The following MGAT4C variants were observed in gnomAD, a reference collection of about 807,000 sequenced individuals.
MGAT4C encodes MGAT4 family member C.
MGAT4C carries 19 observed loss-of-function variants against 40.1 expected under a neutral mutation model. The ratio of observed to expected loss-of-function variants is 0.47; its 90% CI spans 0.33 to 0.70. The LOEUF (loss-of-function observed/expected upper bound fraction) is 0.70, where lower values mean the gene tolerates loss of function less well. Among genes scored for constraint, MGAT4C ranks in the 30% least tolerant of loss-of-function variants. The probability of loss-of-function intolerance (pLI) is 0.02; values close to 1 mark genes in which losing one functional copy is unlikely to be tolerated. For missense variants in MGAT4C, 491 were observed against 563.2 expected (o/e 0.87, Z 1.30); for synonymous variants, 181 against 187.1 (o/e 0.97, Z 0.27).
chr12:86,021,103 G>T (rs1258283983), intron 2 of MGAT4C, among the ~76,000 whole-genome samples: 2 of 152,158 alleles, frequency 1.3e-5, no homozygotes, highest in Non-Finnish European at 2.9e-5. Flanking sequence ...TGCTGGAGAG[G>T]ATGTGGAGAA....
At chr12:86,681,701 T>C (rs1326028651) in intron 2 of MGAT4C, among the ~76,000 whole-genome samples, 1 of 152,060 alleles carries the variant, frequency 6.6e-6, no homozygotes, top group Non-Finnish European at 1.5e-5. Context: ...ATTGGAGTTA[T>C]ATTACAGTTT....
intron 2 of MGAT4C, among the ~76,000 whole-genome samples, chr12:86,490,290 T>C (rs927683309): frequency 6.6e-6 from 1 of 152,034 alleles, no homozygotes; most frequent in African/African-American, 2.4e-5. Flanking sequence ...AAGAAAAGAA[T>C]TTTCAACCCA....
intron 3 of MGAT4C, among the ~76,000 whole-genome samples, chr12:85,983,874 C>T (rs919635773): frequency 2.6e-5 from 4 of 152,098 alleles, no homozygotes; most frequent in Admixed American, 6.6e-5. Flanking sequence ...GTAGCTCGCT[C>T]GCCTATTTTG....
chr12:86,524,683 C>T (rs1406024660), intron 2 of MGAT4C, among the ~76,000 whole-genome samples: 1 of 152,028 alleles, frequency 6.6e-6, no homozygotes, highest in Admixed American at 6.6e-5. Flanking sequence ...TTATACTCTC[C>T]CCTTCTTTTT....
intron 2 of MGAT4C, among the ~76,000 whole-genome samples, chr12:86,436,580 T>C (rs1934253429): frequency 6.6e-6 from 1 of 151,802 alleles, no homozygotes; most frequent in South Asian, 2.1e-4. Context: ...GCATTATTAT[T>C]CTCCATTATA....
chr12:86,722,429 T>C (rs1359877865), intron 2 of MGAT4C, among the ~76,000 whole-genome samples: 2 of 152,208 alleles, frequency 1.3e-5, no homozygotes, highest in African/African-American at 4.8e-5. Flanking sequence ...TTCTTGGTAA[T>C]GAACTAACTT....
At chr12:86,540,537 A>G (rs1360089494) in intron 2 of MGAT4C, among the ~76,000 whole-genome samples, 3 of 152,164 alleles carry the variant, frequency 2.0e-5, no homozygotes, top group Non-Finnish European at 4.4e-5. Context: ...GGAGTTTGAG[A>G]CCAGCCTGGC....
intron 1 of MGAT4C, among the ~76,000 whole-genome samples, chr12:86,086,125 G>T (rs1871781637): frequency 6.6e-6 from 1 of 152,070 alleles, no homozygotes; most frequent in Non-Finnish European, 1.5e-5. Context: ...CAATAGCAAA[G>T]ACTTGGACCC....
intron 2 of MGAT4C, among the ~76,000 whole-genome samples, chr12:86,615,803 T>C (rs1962429270): frequency 6.6e-6 from 1 of 152,016 alleles, no homozygotes; most frequent in South Asian, 2.1e-4. Flanking sequence ...ATCTCAACAT[T>C]TTTTCCATAA....
Position 86,695,582 on chromosome 12 carries a change from C to T in MGAT4C, c.-229+31627G>A, listed in dbSNP as rs116176286. ...TGCATGTACGCAATGGAGTACTATT[C>T]ATCCATAAGAAAGAATGAGATTCTG... On this transcript the variant is annotated intron_variant, in intron 2 of 7. Coordinates refer to the MGAT4C transcript ENST00000548651. Among the ~76,000 whole-genome samples, 332 of 152,260 alleles carry T rather than the reference C, an allele frequency of 2.2e-3. 5 individuals carry two copies. Among genetic ancestry groups the T allele is most frequent in the African/African-American group, 7.7e-3 (320 of 41,534 alleles).
intron 3 of MGAT4C, among the ~76,000 whole-genome samples, chr12:86,368,048 C>A (rs553241515): frequency 6.6e-6 from 1 of 152,020 alleles, no homozygotes; most frequent in African/African-American, 2.4e-5. Flanking sequence ...ATTAAAACTA[C>A]GGAAATTTGC....
intron 3 of MGAT4C, among the ~76,000 whole-genome samples, chr12:86,345,940 G>A (rs1420952274): frequency 5.3e-5 from 8 of 152,054 alleles, no homozygotes; most frequent in African/African-American, 1.4e-4. Flanking sequence ...TTTAATGATC[G>A]CCATTCTAAC....
chr12:86,524,793 C>T (rs1958852823), intron 2 of MGAT4C, among the ~76,000 whole-genome samples: 1 of 151,794 alleles, frequency 6.6e-6, no homozygotes, highest in Non-Finnish European at 1.5e-5. Context: ...TCTTTTTTGC[C>T]TGTCTTATTT....
chr12:86,633,468 G>C (rs898685697), intron 2 of MGAT4C, among the ~76,000 whole-genome samples: 2 of 151,902 alleles, frequency 1.3e-5, no homozygotes, highest in East Asian at 1.9e-4. Context: ...TACTTTGCAG[G>C]CCATAGTAAG....
intron 3 of MGAT4C, among the ~76,000 whole-genome samples, chr12:86,376,259 A>G (rs1955820305): frequency 6.6e-6 from 1 of 150,662 alleles, no homozygotes. Context: ...GTTGTGGTGC[A>G]TGCCTGTAGT....
intron 1 of MGAT4C, among the ~76,000 whole-genome samples, chr12:86,782,141 C>T (rs1410728115): frequency 1.4e-5 from 2 of 147,774 alleles, no homozygotes; most frequent in African/African-American, 5.0e-5. Flanking sequence ...TACAGCCATC[C>T]GCCACCACGC....
intron 2 of MGAT4C, among the ~76,000 whole-genome samples, chr12:86,528,192 T>C (rs560216680): frequency 9.9e-5 from 15 of 152,194 alleles, no homozygotes; most frequent in Admixed American, 2.0e-4. Flanking sequence ...AATGAAATAA[T>C]TTATGTATTT....
At chr12:86,128,695 T>C (rs1880697973) in intron 1 of MGAT4C, among the ~76,000 whole-genome samples, 1 of 152,162 alleles carries the variant, frequency 6.6e-6, no homozygotes, top group African/African-American at 2.4e-5. Flanking sequence ...AAGACCAAAA[T>C]AACACAATAT....
chr12:86,269,013 C>CATATATATATATAT (rs60328579), intron 4 of MGAT4C, among the ~76,000 whole-genome samples: 1 of 74,688 alleles, frequency 1.3e-5, no homozygotes, highest in Non-Finnish European at 2.6e-5. Flanking sequence ...TTCATACTTA[C>CATATATATATATAT]ATATATATAT....
Sources: allele counts gnomAD v4.1 joint callset (sites outside exome capture counted in the v4.1 genomes callset), GRCh38; gene constraint gnomAD v4.1.1; transcripts MANE v1.5; gene names NCBI Gene and HGNC (gene_info 2026-07-23, HGNC 2026-07-21).